CWF19L1: variants seen among roughly 807,000 people sequenced by gnomAD.
CWF19L1 encodes CWF19 like cell cycle control factor 1.
CWF19L1 carries 60 observed loss-of-function variants against 69.7 expected under a neutral mutation model. That is an observed-to-expected ratio of 0.86 (90% CI 0.70 to 1.07). The LOEUF (loss-of-function observed/expected upper bound fraction) is 1.07. Among genes scored for constraint, CWF19L1 ranks in the 50% least tolerant of loss-of-function variants. The pLI is 0.00. For missense variants in CWF19L1, 591 were observed against 638.9 expected (o/e 0.92, Z 0.81); for synonymous variants, 209 against 222.2 (o/e 0.94, Z 0.53).
At chr10:100,265,277 A>G (rs1305697078) in intron 1 of CWF19L1, among the ~76,000 whole-genome samples, 1 of 152,120 alleles carries the variant, frequency 6.6e-6, no homozygotes, top group African/African-American at 2.4e-5. Context: ...AAAAACTTAA[A>G]GTTTATAAAG....
intron 1 of CWF19L1, among the ~76,000 whole-genome samples, chr10:100,265,945 G>A (rs1250714855): frequency 6.6e-6 from 1 of 152,140 alleles, no homozygotes; most frequent in Non-Finnish European, 1.5e-5. Context: ...AGGTGTACAG[G>A]AAGCCATACC....
At chr10:100,254,786 C>G (rs946856097) in intron 5 of CWF19L1, among the ~76,000 whole-genome samples, 1 of 152,194 alleles carries the variant, frequency 6.6e-6, no homozygotes, top group Non-Finnish European at 1.5e-5. Flanking sequence ...GTGTCTTTCT[C>G]TCTTCCTTCA....
chr10:100,235,555 C>T, intron 13 of CWF19L1, 112 bp downstream of exon 13: 1 of 683,348 alleles, frequency 1.5e-6, no homozygotes, highest in Non-Finnish European at 2.5e-6. Flanking sequence ...ACCATGGGTC[C>T]TCTGGGGCAA....
intron 12 of CWF19L1, 100 bp from the exon 13 acceptor site, chr10:100,235,864 AAAAAAGATATGTATGT>A (rs1846418272): frequency 1.2e-6 from 1 of 834,976 alleles, no homozygotes; most frequent in Admixed American, 2.4e-5. Flanking sequence ...ATGCACAAGA[AAAAAAGATATGTATGT>A]TGCTATAGAT....
intron 9 of CWF19L1, among the ~76,000 whole-genome samples, chr10:100,245,263 C>T (rs115385888): frequency 0.011 from 1,693 of 152,112 alleles, 41 homozygotes; most frequent in African/African-American, 0.038. Flanking sequence ...ACTTGTGATC[C>T]GCCTGGCTCA....
At chr10:100,251,268 C>T (rs1344973033) in intron 6 of CWF19L1, among the ~76,000 whole-genome samples, 1 of 152,114 alleles carries the variant, frequency 6.6e-6, no homozygotes, top group East Asian at 1.9e-4. Context: ...CTGACTCTTA[C>T]ATTTAACCTT....
chr10:100,233,902 G>A (rs995035976), intron 13 of CWF19L1: 2 of 152,170 alleles, frequency 1.3e-5, no homozygotes, highest in African/African-American at 4.8e-5. Flanking sequence ...GCAGAGTCAG[G>A]AGCCTAGTCA....
chr10:100,253,603 TA>T, intron 5 of CWF19L1, 64 bp from the exon 6 acceptor site: 2 of 910,752 alleles, frequency 2.2e-6, no homozygotes, highest in East Asian at 4.8e-5. Context: ...AAATAAATAA[TA>T]AGACATTTTG....
intron 6 of CWF19L1, among the ~76,000 whole-genome samples, chr10:100,253,006 T>C (rs1047067044): frequency 6.6e-6 from 1 of 152,142 alleles, no homozygotes; most frequent in African/African-American, 2.4e-5. Context: ...TCATATTTAT[T>C]TGTGGTAAAA....
intron 13 of CWF19L1, among the ~76,000 whole-genome samples, chr10:100,234,381 T>C (rs1403328565): frequency 6.6e-6 from 1 of 152,222 alleles, no homozygotes; most frequent in Non-Finnish European, 1.5e-5. Context: ...ATATTGAAAA[T>C]ACATCATAAG....
chr10:100,262,412 ACATT>A (rs71940731), intron 1 of CWF19L1: 54,175 of 985,100 alleles, frequency 0.055, 1,752 homozygotes, highest in African/African-American at 0.14. Flanking sequence ...AACATCTTTC[ACATT>A]CATTCTATCC....
At position 100,233,189 on chromosome 10, in the gene CWF19L1, A is replaced by G. The variant is rs747706243; in HGVS notation, c.*38T>C. ...ATTAAAAAAAAAAAAAAGCTTTACT[A>G]CTTCCTGTGGAGTTCATAAAAAGTT... On this transcript the variant is annotated 3_prime_UTR_variant, in exon 14 of 14. Coordinates refer to ENST00000354105, the MANE Select transcript of CWF19L1 (RefSeq NM_018294.6). 3 of 1,521,214 alleles carry G rather than the reference A, an allele frequency of 2.0e-6. No homozygotes were observed. Among genetic ancestry groups the G allele is most frequent in the South Asian group, 1.3e-5 (1 of 77,852 alleles). 94.2% of individuals were successfully genotyped at this position (1,521,214 alleles called of 1,614,324 possible).
chr10:100,241,972 A>C (rs1846652837), intron 10 of CWF19L1, among the ~76,000 whole-genome samples: 1 of 152,206 alleles, frequency 6.6e-6, no homozygotes, highest in African/African-American at 2.4e-5. Flanking sequence ...TTAAAAATTA[A>C]GTTTTCTTCA....
chr10:100,261,854 C>A, intron 2 of CWF19L1, 125 bp downstream of exon 2: 2 of 722,308 alleles, frequency 2.8e-6, no homozygotes, highest in Non-Finnish European at 4.5e-6. Flanking sequence ...AGTTCCTATG[C>A]TCATGAAGGG....
At chr10:100,248,542 TG>T (rs1846909592) in intron 7 of CWF19L1, 5 of 715,960 alleles carry the variant, frequency 7.0e-6, no homozygotes, top group South Asian at 1.5e-5. Context: ...ACGGTGCACA[TG>T]GGGGCCTGTC....
intron 10 of CWF19L1, among the ~76,000 whole-genome samples, chr10:100,240,967 C>T (rs977502212): frequency 5.3e-5 from 8 of 151,012 alleles, no homozygotes; most frequent in Admixed American, 1.3e-4. Context: ...ATTAGTGCTC[C>T]CCCTAGAGAC....
At chr10:100,237,200 T>G (rs1001152180) in intron 11 of CWF19L1, 2 of 710,754 alleles carry the variant, frequency 2.8e-6, no homozygotes, top group Non-Finnish European at 5.2e-6. Context: ...TTAAGAGAGA[T>G]ATCTCCGTCA....
At chr10:100,267,146 G>T (rs1347827838) in intron 1 of CWF19L1, among the ~76,000 whole-genome samples, 2 of 10,592 alleles carry the variant, frequency 1.9e-4, no homozygotes, top group Admixed American at 1.1e-3. Flanking sequence ...CCTCCTCCTC[G>T]CAAAAAAAAA....
chr10:100,247,551 A>C (rs1426739314), intron 7 of CWF19L1, among the ~76,000 whole-genome samples: 3 of 152,240 alleles, frequency 2.0e-5, no homozygotes, highest in Non-Finnish European at 4.4e-5. Context: ...GGGAAATGCA[A>C]CTAAGTAACA....
Sources: gnomAD v4.1 joint callset for allele counts (sites outside exome capture counted in the v4.1 genomes callset) on GRCh38, gnomAD v4.1.1 for gene constraint, MANE v1.5 for transcripts, NCBI Gene and HGNC (gene_info 2026-07-23, HGNC 2026-07-21) for gene names.